Variants in SURF2 observed in about 807,000 individuals in gnomAD.
SURF2 encodes the protein surfeit 2, also known as surfeit locus protein 2.
SURF2 carries 32 observed loss-of-function variants against 26.2 expected under a neutral mutation model. That is an observed-to-expected ratio of 1.22 (90% confidence interval 0.92 to 1.64). The LOEUF is 1.64. SURF2 is among the 40% of genes most tolerant of loss of function. SURF2 has a pLI of 0.00. For missense variants in SURF2, 415 were observed against 341.6 expected, an observed-to-expected ratio of 1.21 and a Z score of -1.69; for synonymous variants, 173 against 139.1, an observed-to-expected ratio of 1.24 and a Z score of -1.71.
chr9:133,357,158 C>A, intron 2 of SURF2, 90 bp downstream of exon 2: 1 of 1,386,202 alleles, frequency 7.2e-7, no homozygotes, highest in South Asian at 1.6e-5. Flanking sequence ...CCTACTCTTT[C>A]AGAGTTGGGA....
At chr9:133,358,116 G>C (rs1404049714) in intron 3 of SURF2, among the ~76,000 whole-genome samples, 1 of 152,164 alleles carries the variant, frequency 6.6e-6, no homozygotes, top group East Asian at 1.9e-4. Flanking sequence ...GGGGAGACTC[G>C]CTGAGGGATT....
At chr9:133,357,353 C>G in intron 2 of SURF2, 2 of 521,598 alleles carry the variant, frequency 3.8e-6, no homozygotes, top group Non-Finnish European at 6.7e-6. Flanking sequence ...CCCTTAACCC[C>G]AGAAGGGGTC....
Position 133,356,944 on chromosome 9 carries a change from C to T in SURF2, c.109C>T (p.Pro37Ser). 6.4e-7 allele frequency: 1 copy of T among 1,566,640 alleles called. No individual in the cohort carries two copies. Among genetic ancestry groups the T allele is most frequent in the Non-Finnish European group, 8.6e-7 (1 of 1,156,218 alleles). ...GTGCATCCTGACAGGTCACGAGCTGCCCTGCCGCCTGCCGGAGCTCCAGGT... is the reference window on the plus strand; with the variant it reads ...GTGCATCCTGACAGGTCACGAGCTGTCCTGCCGCCTGCCGGAGCTCCAGGT... ...VRCILTGHEL[P>S]CRLPELQVYT... is the part of the protein sequence containing the mutation. Residue 37 changes from proline to serine, a missense_variant, in exon 2 of 6, where the codon CCC becomes TCC. By Grantham distance (74) the Pro-to-Ser change is moderately conservative. Coordinates refer to ENST00000371964, the MANE Select transcript of SURF2 (RefSeq NM_017503.5).
chr9:133,357,890 G>A, intron 3 of SURF2, 76 bp downstream of exon 3: 1 of 1,446,788 alleles, frequency 6.9e-7, no homozygotes, highest in Non-Finnish European at 9.6e-7. Context: ...GAGCGTGCTT[G>A]AAGGCAGGTC....
chr9:133,359,662 T>C (rs988203370), intron 3 of SURF2, among the ~76,000 whole-genome samples: 2 of 152,208 alleles, frequency 1.3e-5, no homozygotes, highest in Admixed American at 6.5e-5. Context: ...TTGGGCCTGG[T>C]CAGTGCCCTC....
intron 4 of SURF2, 32 bp downstream of exon 4, chr9:133,360,161 C>T (rs1836723212): frequency 1.9e-6 from 3 of 1,591,108 alleles, no homozygotes; most frequent in Non-Finnish European, 2.6e-6. Flanking sequence ...TCTCCCTGAC[C>T]CTCTACTGTC....
rs2130031231 is a variant in SURF2 at position 133,356,924 on chromosome 9, T to A, written c.89T>A (p.Ile30Asn). 2.6e-6 allele frequency: 4 copies of A among 1,560,668 alleles called. No homozygotes were observed. Among genetic ancestry groups the A allele is most frequent in the Non-Finnish European group, 3.5e-6 (4 of 1,153,212 alleles). ...CCCACGCGTCCGCAGGTGAGGTGCA[T>A]CCTGACAGGTCACGAGCTGCCCTGC... The part of the protein sequence containing the change: ...LQTDARKVRC[I>N]LTGHELPCRL... The change falls in exon 2 of 6, where the codon ATC (isoleucine) becomes AAC (asparagine). Residue 30 changes from isoleucine (I) to asparagine (N), a missense_variant. Coordinates refer to ENST00000371964, the MANE Select transcript of SURF2 (RefSeq NM_017503.5).
chr9:133,356,559 G>C lies in SURF2; in HGVS notation c.-34G>C. ...CCCCCGGCTCCAGGTTCTGCGAGCGGCTTCCGCCGGGCTGCTCCGCGGGCG... is the reference window on the plus strand; with the variant it reads ...CCCCCGGCTCCAGGTTCTGCGAGCGCCTTCCGCCGGGCTGCTCCGCGGGCG... On this transcript the variant is annotated 5_prime_UTR_variant, in exon 1 of 6. Transcript: ENST00000371964. 1 of 1,504,556 alleles carries C rather than the reference G, an allele frequency of 6.6e-7. No homozygotes were observed. The highest frequency in any genetic ancestry group is 8.8e-7 in the Non-Finnish European group (1 of 1,134,724). 93.2% of individuals were successfully genotyped at this position (1,504,556 alleles called of 1,614,324 possible).
rs139626160 is a variant in SURF2, at chr9:133,360,245, A to G, written c.518-20A>G. Reference sequence around the variant, plus strand: ...ACTCAGCCTAAAATAACTGTCAGCCAATCCCTGTGTTCCTCCCAGCTGAGC... The same window carrying G: ...ACTCAGCCTAAAATAACTGTCAGCCGATCCCTGTGTTCCTCCCAGCTGAGC... On this transcript the variant is annotated intron_variant, in intron 4 of 5. Transcript: ENST00000371964. 789 of 1,611,402 alleles carry G rather than the reference A, an allele frequency of 4.9e-4. 5 individuals carry two copies. The African/African-American group carries it at 8.8e-3, about 18-fold the overall frequency.
chr9:133,358,488 C>T (rs2130039882), intron 3 of SURF2, among the ~76,000 whole-genome samples: 48 of 152,100 alleles, frequency 3.2e-4, no homozygotes, highest in Non-Finnish European at 6.6e-4. Flanking sequence ...AGGGAAGTAT[C>T]GGGCTTTTGA....
chr9:133,359,879 A>T, intron 3 of SURF2, 71 bp from the exon 4 acceptor site: 1 of 1,504,308 alleles, frequency 6.6e-7, no homozygotes, highest in South Asian at 1.3e-5. Context: ...TGCAGTCCTC[A>T]TAAGTTAGCT....
rs2130049299 is a variant in SURF2 at position 133,360,248 on chromosome 9, C to T, written c.518-17C>T. On this transcript the variant is annotated splice_polypyrimidine_tract_variant and intron_variant, in intron 4 of 5. Transcript: ENST00000371964. ...CAGCCTAAAATAACTGTCAGCCAAT[C>T]CCTGTGTTCCTCCCAGCTGAGCTAT... is the stretch of plus-strand genomic sequence containing the variant. The T allele has an allele frequency of 1.6e-5, 25 of 1,611,430 alleles. No homozygotes were observed. Among genetic ancestry groups the T allele is most frequent in the South Asian group, 9.9e-5 (9 of 90,868 alleles).
At chr9:133,357,211 C>A in intron 2 of SURF2, 143 bp downstream of exon 2, 1 of 1,051,284 alleles carries the variant, frequency 9.5e-7, no homozygotes, top group Non-Finnish European at 1.3e-6. Flanking sequence ...GAATCACCTG[C>A]GGTCCCAGCG....
At chr9:133,357,682 C>A in intron 2 of SURF2, 29 bp from the exon 3 acceptor site, 1 of 1,605,464 alleles carries the variant, frequency 6.2e-7, no homozygotes, top group Non-Finnish European at 8.5e-7. Context: ...GTGAACTGTC[C>A]CTACAAATTT....
In SURF2 at chr9:133,360,064, G is replaced by A. The variant is rs2130047347; in HGVS notation, c.452G>A (p.Trp151Ter). ...GGGCCTCGCCCGCGGGAAGCCTTCT[G>A]GGAGCCCACATCCAGTGATGAGGGG... ...GDGPRPREAF[W>*]EPTSSDEGGA... The change falls in exon 4 of 6, where the codon TGG (tryptophan) becomes TAG (stop). Residue 151 changes from tryptophan to a stop codon, truncating the protein, a stop_gained. Transcript: ENST00000371964. LOFTEE classifies it high-confidence loss of function. 4 of 1,614,054 alleles carry A rather than the reference G, an allele frequency of 2.5e-6. No individual in the cohort carries two copies. Among genetic ancestry groups the A allele is most frequent in the East Asian group, 2.2e-5 (1 of 44,884 alleles).
At chr9:133,358,516 T>A (rs1353837933) in intron 3 of SURF2, among the ~76,000 whole-genome samples, 1 of 152,144 alleles carries the variant, frequency 6.6e-6, no homozygotes, top group Non-Finnish European at 1.5e-5. Flanking sequence ...ACACCCGTGC[T>A]GGATGAAGGA....
At chr9:133,357,645 AC>A in intron 2 of SURF2, 65 bp from the exon 3 acceptor site, 1 of 1,504,396 alleles carries the variant, frequency 6.6e-7, no homozygotes, top group South Asian at 1.1e-5. Flanking sequence ...TGAGTCCAAG[AC>A]ACAGCCACCA....
At chr9:133,359,427 G>A (rs2130042161) in intron 3 of SURF2, among the ~76,000 whole-genome samples, 1 of 152,338 alleles carries the variant, frequency 6.6e-6, no homozygotes, top group Non-Finnish European at 1.5e-5. Context: ...GACAACGGTG[G>A]TGACTCCAGT....
chr9:133,357,111 G>C, intron 2 of SURF2, 43 bp downstream of exon 2: 1 of 1,491,598 alleles, frequency 6.7e-7, no homozygotes, highest in Non-Finnish European at 9.0e-7. Context: ...GGGCAATTAG[G>C]ACAGCCCCTC....
Sources: gnomAD v4.1 joint callset for allele counts (sites outside exome capture counted in the v4.1 genomes callset) on GRCh38, gnomAD v4.1.1 for gene constraint, MANE v1.5 for transcripts, NCBI Gene and HGNC (gene_info 2026-07-23, HGNC 2026-07-21) for gene names.